NFX1: variants seen among roughly 807,000 people sequenced by gnomAD.
The protein encoded by NFX1 is nuclear transcription factor, X-box binding 1.
NFX1 carries 69 observed loss-of-function variants against 137.2 expected under a neutral mutation model. That is an observed-to-expected ratio of 0.50 (90% CI 0.41 to 0.61). NFX1 has a LOEUF of 0.61. Among genes scored for constraint, NFX1 ranks in the 20% least tolerant of loss-of-function variants. The pLI is 0.00. For missense variants in NFX1, 1,167 were observed against 1,391.0 expected (o/e 0.84, Z 2.56); for synonymous variants, 495 against 474.1 (o/e 1.04, Z -0.57).
chr9:33,353,519 A>G (rs888523398), intron 17 of NFX1, among the ~76,000 whole-genome samples: 5 of 152,098 alleles, frequency 3.3e-5, no homozygotes, highest in African/African-American at 9.7e-5. Context: ...TTGAATACCT[A>G]CTAAGTGCCA....
At chr9:33,293,332 A>C (rs2118148123) in intron 1 of NFX1, among the ~76,000 whole-genome samples, 1 of 152,316 alleles carries the variant, frequency 6.6e-6, no homozygotes, top group Non-Finnish European at 1.5e-5. Flanking sequence ...ATTAAACCTG[A>C]AACCCTCAGG....
intron 11 of NFX1, among the ~76,000 whole-genome samples, chr9:33,336,484 G>A (rs1231790059): frequency 6.6e-6 from 1 of 152,204 alleles, no homozygotes; most frequent in African/African-American, 2.4e-5. Context: ...AAAGTGCTGG[G>A]ATTACAGGCG....
chr9:33,305,753 C>A (rs1821730635), intron 4 of NFX1, among the ~76,000 whole-genome samples: 1 of 152,052 alleles, frequency 6.6e-6, no homozygotes, highest in Non-Finnish European at 1.5e-5. Context: ...AGGAAAAGGG[C>A]AGGTCAAAAG....
intron 19 of NFX1, among the ~76,000 whole-genome samples, chr9:33,355,425 A>T (rs1037333630): frequency 6.6e-6 from 1 of 152,188 alleles, no homozygotes; most frequent in Non-Finnish European, 1.5e-5. Context: ...TTTGAACTTT[A>T]TGTAAGTGAT....
At chr9:33,299,019 G>A (rs1821457958) in intron 2 of NFX1, among the ~76,000 whole-genome samples, 1 of 152,182 alleles carries the variant, frequency 6.6e-6, no homozygotes, top group African/African-American at 2.4e-5. Context: ...AAGCCTAGTA[G>A]AGAAAAAGGT....
intron 15 of NFX1, chr9:33,348,864 C>T (rs561900502): frequency 3.6e-6 from 3 of 824,576 alleles, no homozygotes; most frequent in South Asian, 1.1e-4. Context: ...TTGCTACATT[C>T]CAACTGTCCT....
chr9:33,310,449 CTT>C (rs1821922358), intron 5 of NFX1, among the ~76,000 whole-genome samples: 1 of 152,074 alleles, frequency 6.6e-6, no homozygotes, highest in South Asian at 2.1e-4. Context: ...CGTATTGTAA[CTT>C]TTTTCTATTG....
intron 10 of NFX1, among the ~76,000 whole-genome samples, chr9:33,329,943 A>C (rs1822740575): frequency 6.6e-6 from 1 of 151,414 alleles, no homozygotes; most frequent in Non-Finnish European, 1.5e-5. Context: ...ACAGGTGTGC[A>C]CCACCACTCC....
intron 22 of NFX1, 116 bp from the exon 23 acceptor site, chr9:33,367,399 C>A (rs1564153822): frequency 4.2e-6 from 4 of 957,850 alleles, no homozygotes; most frequent in East Asian, 5.1e-5. Context: ...ACAGTTCATA[C>A]CAGAGAGTGC....
chr9:33,350,255 G>A (rs906781940), intron 15 of NFX1, among the ~76,000 whole-genome samples: 21 of 148,102 alleles, frequency 1.4e-4, no homozygotes, highest in Non-Finnish European at 2.7e-4. Context: ...AGTGAGCTGA[G>A]ATGGCGCCAC....
chr9:33,351,971 G>A (rs1013524629), intron 16 of NFX1, 181 bp downstream of exon 16: 1 of 571,432 alleles, frequency 1.7e-6, no homozygotes, highest in Non-Finnish European at 3.0e-6. Flanking sequence ...AACTTGGTAT[G>A]GCCTTTTGAT....
rs57828781 is a variant in NFX1 at position 33,363,140 on chromosome 9, G to A, written c.2874-870G>A. Among the ~76,000 whole-genome samples, 205 of 152,062 alleles carry A rather than the reference G, an allele frequency of 1.3e-3. 1 individual carries two copies. Among genetic ancestry groups the A allele is most frequent in the East Asian group, 0.013 (66 of 5,178 alleles). ...AATAAGGGCATCAGGTGATGGATAT[G>A]CCTAATACACTGATTTGGTCATTAT... On this transcript the variant is annotated intron_variant, in intron 19 of 23. Coordinates refer to ENST00000379540, the MANE Select transcript of NFX1 (RefSeq NM_002504.6).
At chr9:33,293,825 A>C (rs1258625948) in intron 1 of NFX1, among the ~76,000 whole-genome samples, 3 of 152,254 alleles carry the variant, frequency 2.0e-5, no homozygotes, top group African/African-American at 7.2e-5. Context: ...CCTAGGGGAA[A>C]GAGATGAAAA....
At chr9:33,320,987 A>G (rs1413097069) in intron 9 of NFX1, among the ~76,000 whole-genome samples, 1 of 152,204 alleles carries the variant, frequency 6.6e-6, no homozygotes, top group Non-Finnish European at 1.5e-5. Context: ...CAGCTGCATT[A>G]GGAAAGCCAG....
intron 9 of NFX1, among the ~76,000 whole-genome samples, chr9:33,327,068 G>A (rs1268307272): frequency 6.6e-6 from 1 of 152,018 alleles, no homozygotes; most frequent in Non-Finnish European, 1.5e-5. Context: ...TAGGAAAGGA[G>A]TATTAGAATA....
At chr9:33,349,303 G>A (rs931774093) in intron 15 of NFX1, among the ~76,000 whole-genome samples, 1 of 152,198 alleles carries the variant, frequency 6.6e-6, no homozygotes, top group Non-Finnish European at 1.5e-5. Flanking sequence ...AATACAGAGG[G>A]CTAAGGAGGA....
At chr9:33,299,671 GT>G (rs1210332922) in intron 2 of NFX1, among the ~76,000 whole-genome samples, 8 of 152,138 alleles carry the variant, frequency 5.3e-5, no homozygotes, top group Admixed American at 5.2e-4. Context: ...CTAAACTTTG[GT>G]GACGCCTGTA....
chr9:33,317,535 A>G (rs1822212912), intron 7 of NFX1, among the ~76,000 whole-genome samples: 1 of 148,444 alleles, frequency 6.7e-6, no homozygotes, highest in Non-Finnish European at 1.5e-5. Flanking sequence ...CAGCTAATTA[A>G]AAAAAAAAAA....
intron 12 of NFX1, among the ~76,000 whole-genome samples, chr9:33,338,988 A>T (rs1329798830): frequency 6.6e-6 from 1 of 152,162 alleles, no homozygotes; most frequent in Non-Finnish European, 1.5e-5. Flanking sequence ...TCAGTAGGAA[A>T]AATTATTAGG....
Sources: allele counts gnomAD v4.1 joint callset (sites outside exome capture counted in the v4.1 genomes callset), GRCh38; gene constraint gnomAD v4.1.1; transcripts MANE v1.5; gene names NCBI Gene and HGNC (gene_info 2026-07-23, HGNC 2026-07-21).